Variants in GPR39 observed in about 807,000 individuals in gnomAD.
GPR39 encodes G protein-coupled receptor 39.
In GPR39, 23 loss-of-function variants were observed where a neutral mutation model predicts 18.4. The ratio of observed to expected loss-of-function variants is 1.25; its 90% confidence interval spans 0.90 to 1.77. The LOEUF (loss-of-function observed/expected upper bound fraction) is 1.77, where lower values mean the gene tolerates loss of function less well. Among genes scored for constraint, GPR39 ranks in the 40% most tolerant of loss-of-function variants. GPR39 has a pLI of 0.00. For synonymous variants in GPR39, 280 were observed against 257.9 expected (o/e 1.09, Z -0.82); for missense variants, 647 against 602.4 (o/e 1.07, Z -0.78).
chr2:132,417,467 G>A lies in GPR39; in HGVS notation c.425G>A (p.Arg142Lys), dbSNP rs1553446015. Reference protein sequence around the residue: ...ERYIAICHPFRYKAVSGPCQV... With the variant: ...ERYIAICHPFKYKAVSGPCQV... ...TACATCGCCATCTGTCACCCCTTCA[G>A]GTACAAGGCTGTGTCGGGACCTTGC... Residue 142 changes from arginine (R) to lysine (K), a missense_variant, in exon 1 of 2, where the codon AGG becomes AAG. Physicochemically the swap from Arg to Lys is conservative, Grantham distance 26. Coordinates refer to ENST00000329321, the MANE Select transcript of GPR39 (RefSeq NM_001508.3). 6.2e-7 allele frequency: 1 copy of A among 1,614,180 alleles called. No individual in the cohort carries two copies. The highest frequency in any genetic ancestry group is 8.5e-7 in the Non-Finnish European group (1 of 1,180,032).
intron 1 of GPR39, among the ~76,000 whole-genome samples, chr2:132,536,644 ATCTG>A (rs1257469963): frequency 6.6e-6 from 1 of 152,166 alleles, no homozygotes; most frequent in Non-Finnish European, 1.5e-5. Flanking sequence ...TGTTTTGTTG[ATCTG>A]TCTAATACTG....
At chr2:132,427,878 T>TATATATATATA (rs989561667) in intron 1 of GPR39, among the ~76,000 whole-genome samples, 2 of 143,664 alleles carry the variant, frequency 1.4e-5, no homozygotes, top group Admixed American at 7.2e-5. Flanking sequence ...CTGTACTTCA[T>TATATATATATA]ATATATATAT....
rs567447230 is a variant in GPR39 at position 132,561,353 on chromosome 2, C to T, written c.857-83748C>T. On this transcript the variant is annotated intron_variant, in intron 1 of 1. Coordinates refer to ENST00000329321, the MANE Select transcript of GPR39 (RefSeq NM_001508.3). ...ATCAAACTAGGGAGTTCACTTGACT[C>T]CTCTCCCAGCCTCACCTGCCATCAG... Among the ~76,000 whole-genome samples the T allele has an allele frequency of 1.7e-4, 26 of 152,296 alleles. 1 individual carries two copies. Among genetic ancestry groups the T allele is most frequent in the Admixed American group, 5.2e-4 (8 of 15,294 alleles).
chr2:132,452,318 T>G (rs992823902), intron 1 of GPR39, among the ~76,000 whole-genome samples: 1 of 152,216 alleles, frequency 6.6e-6, no homozygotes, highest in Non-Finnish European at 1.5e-5. Context: ...CTTCTTTTAT[T>G]TCTGGAAAAT....
chr2:132,419,789 G>T (rs1180735077), intron 1 of GPR39, among the ~76,000 whole-genome samples: 1 of 152,046 alleles, frequency 6.6e-6, no homozygotes, highest in African/African-American at 2.4e-5. Flanking sequence ...AGAATTAGGG[G>T]GTAGATAAGC....
chr2:132,619,850 CACACACAG>C (rs1357646963), intron 1 of GPR39, among the ~76,000 whole-genome samples: 3,324 of 137,230 alleles, frequency 0.024, 123 homozygotes, highest in African/African-American at 0.095. Context: ...CACACACACA[CACACACAG>C]ACACACACAC....
At chr2:132,475,695 T>C (rs910300294) in intron 1 of GPR39, among the ~76,000 whole-genome samples, 1 of 152,166 alleles carries the variant, frequency 6.6e-6, no homozygotes, top group African/African-American at 2.4e-5. Context: ...GGAAAAGTCA[T>C]GATCTGGGTC....
intron 1 of GPR39, among the ~76,000 whole-genome samples, chr2:132,507,380 G>A (rs559391447): frequency 1.3e-5 from 2 of 152,258 alleles, no homozygotes; most frequent in East Asian, 1.9e-4. Flanking sequence ...ACGTGGTGGG[G>A]CATAGGTTTC....
At chr2:132,540,655 TG>T (rs1367388881) in intron 1 of GPR39, among the ~76,000 whole-genome samples, 1 of 152,160 alleles carries the variant, frequency 6.6e-6, no homozygotes. Flanking sequence ...CCTGGCCACC[TG>T]GGTTGGAGGG....
At chr2:132,468,285 A>C (rs1043186326) in intron 1 of GPR39, among the ~76,000 whole-genome samples, 3 of 152,240 alleles carry the variant, frequency 2.0e-5, no homozygotes, top group Non-Finnish European at 2.9e-5. Flanking sequence ...GACCAGGAAA[A>C]GAAACAACTA....
At chr2:132,518,724 A>C (rs1455193939) in intron 1 of GPR39, among the ~76,000 whole-genome samples, 2 of 152,260 alleles carry the variant, frequency 1.3e-5, no homozygotes, top group African/African-American at 2.4e-5. Flanking sequence ...AAAAAGAAAT[A>C]GGTGACATTA....
chr2:132,461,896 G>A (rs1680839363), intron 1 of GPR39, among the ~76,000 whole-genome samples: 1 of 152,208 alleles, frequency 6.6e-6, no homozygotes, highest in Non-Finnish European at 1.5e-5. Context: ...ACACACATTA[G>A]TGAGAACCCC....
intron 1 of GPR39, among the ~76,000 whole-genome samples, chr2:132,638,751 C>G (rs910090367): frequency 6.6e-6 from 1 of 152,162 alleles, no homozygotes; most frequent in African/African-American, 2.4e-5. Context: ...TTCAACTAAC[C>G]ATATGCTTAC....
chr2:132,577,061 A>G (rs1005951312), intron 1 of GPR39, among the ~76,000 whole-genome samples: 16 of 151,126 alleles, frequency 1.1e-4, no homozygotes, highest in African/African-American at 3.6e-4. Context: ...TTTTTTTTCA[A>G]AACTGTTTTT....
chr2:132,591,182 C>T (rs972161039), intron 1 of GPR39, among the ~76,000 whole-genome samples: 2 of 137,936 alleles, frequency 1.4e-5, no homozygotes, highest in African/African-American at 2.7e-5. Context: ...ACCCGGGAAG[C>T]GGAGCTTGCA....
intron 1 of GPR39, among the ~76,000 whole-genome samples, chr2:132,621,301 A>C (rs1479192905): frequency 6.6e-6 from 1 of 152,212 alleles, no homozygotes; most frequent in Non-Finnish European, 1.5e-5. Flanking sequence ...TGTCTCTCAG[A>C]GAGCAAGTTA....
At chr2:132,628,600 T>A (rs921687993) in intron 1 of GPR39, among the ~76,000 whole-genome samples, 3 of 151,768 alleles carry the variant, frequency 2.0e-5, no homozygotes, top group Non-Finnish European at 2.9e-5. Flanking sequence ...GGAAAGAGGA[T>A]AACTGTTTTT....
At chr2:132,517,790 A>G (rs982107079) in intron 1 of GPR39, among the ~76,000 whole-genome samples, 1 of 152,218 alleles carries the variant, frequency 6.6e-6, no homozygotes, top group Non-Finnish European at 1.5e-5. Flanking sequence ...TCTTGGAAAG[A>G]TGGAAAATCG....
chr2:132,482,952 A>G (rs756903476), intron 1 of GPR39, among the ~76,000 whole-genome samples: 2 of 152,206 alleles, frequency 1.3e-5, no homozygotes, highest in Non-Finnish European at 2.9e-5. Context: ...GTTAAGTACC[A>G]CAATAATATC....
Sources: allele counts gnomAD v4.1 joint callset (sites outside exome capture counted in the v4.1 genomes callset), GRCh38; gene constraint gnomAD v4.1.1; transcripts MANE v1.5; gene names NCBI Gene and HGNC (gene_info 2026-07-23, HGNC 2026-07-21).